LCOR: variants seen among roughly 807,000 people sequenced by gnomAD.
The protein encoded by LCOR is ligand-dependent corepressor.
A neutral mutation model predicts 64.4 loss-of-function variants in LCOR; 14 were observed. The ratio of observed to expected loss-of-function variants is 0.22; its 90% CI spans 0.14 to 0.34. The LOEUF (loss-of-function observed/expected upper bound fraction) is 0.34. Among genes scored for constraint, LCOR ranks in the 10% least tolerant of loss-of-function variants. The pLI is 1.00. For missense variants in LCOR, 1,686 were observed against 1,765.3 expected (o/e 0.96, Z 0.80); for synonymous variants, 643 against 642.5 (o/e 1.00, Z -0.01).
chr10:96,930,016 T>C (rs1325043532), intron 4 of LCOR, among the ~76,000 whole-genome samples: 3 of 152,146 alleles, frequency 2.0e-5, no homozygotes, highest in African/African-American at 7.2e-5. Context: ...ACATAAAAAA[T>C]CACTAATTAG....
rs1473667165 is a variant in LCOR at position 96,955,900 on chromosome 10, C to A, written c.332+3704C>A. On this transcript the variant is annotated intron_variant, in intron 7 of 7. Coordinates refer to ENST00000421806, the MANE Select transcript of LCOR (RefSeq NM_001346516.2). ...CCCCAGGGAGAGGCAGCACAAAGTG[C>A]AAATGAATCAAAAAACGAGTAGGAA... 3.7e-6 allele frequency: 6 copies of A among 1,610,846 alleles called. No homozygotes were observed. The Admixed American group carries it at 6.8e-5, about 18-fold the overall frequency.
At chr10:96,964,917 G>A (rs1273368524) in intron 7 of LCOR, among the ~76,000 whole-genome samples, 1 of 151,910 alleles carries the variant, frequency 6.6e-6, no homozygotes. Flanking sequence ...GTCAGTTAAG[G>A]TTATGATGGT....
At chr10:96,893,715 A>G (rs2134435875) in intron 2 of LCOR, among the ~76,000 whole-genome samples, 1 of 151,396 alleles carries the variant, frequency 6.6e-6, no homozygotes, top group East Asian at 1.9e-4. Context: ...GTAAGCCAAG[A>G]TCGCGCCACT....
intron 4 of LCOR, among the ~76,000 whole-genome samples, chr10:96,937,085 T>C (rs746453090): frequency 3.3e-5 from 5 of 152,240 alleles, no homozygotes; most frequent in Non-Finnish European, 7.3e-5. Flanking sequence ...GATGAAGTCA[T>C]GTTGGATTAG....
In LCOR at chr10:96,940,303, A is replaced by ATT. The variant is rs552752409; in HGVS notation, c.-183-3780_-183-3779dup. 6.2e-3 allele frequency among the ~76,000 whole-genome samples: 405 copies of ATT among 65,444 alleles called. 17 individuals are homozygous for ATT. The highest frequency in any genetic ancestry group is 7.7e-3 in the Admixed American group (37 of 4,790). The allele number at this position is 65,444 out of a possible 152,430, so 42.9% of individuals were successfully genotyped here. On this transcript the variant is annotated intron_variant, in intron 4 of 7. Transcript: ENST00000421806. ...TACAACTATAATAAAGGTGGTCATG[A>ATT]TTTTTTTTTTTTTTTTTTTTTTTTT...
At chr10:96,965,381 G>A (rs974472146) in intron 7 of LCOR, among the ~76,000 whole-genome samples, 19 of 150,790 alleles carry the variant, frequency 1.3e-4, no homozygotes, top group African/African-American at 4.1e-4. Flanking sequence ...AGTTTTTGTC[G>A]GCCGGGCACG....
At chr10:96,911,341 A>G (rs1564623018) in intron 4 of LCOR, among the ~76,000 whole-genome samples, 1 of 151,100 alleles carries the variant, frequency 6.6e-6, no homozygotes, top group South Asian at 2.1e-4. Context: ...CAAGTGATCC[A>G]CTCGCCTCAG....
intron 4 of LCOR, among the ~76,000 whole-genome samples, chr10:96,931,282 A>G (rs1407816969): frequency 1.4e-5 from 2 of 147,816 alleles, no homozygotes; most frequent in East Asian, 2.0e-4. Flanking sequence ...TTCCCAGGCT[A>G]GAGTGCAGTG....
chr10:96,909,433 A>G (rs923847017), intron 4 of LCOR, among the ~76,000 whole-genome samples: 6 of 152,168 alleles, frequency 3.9e-5, no homozygotes, highest in African/African-American at 1.4e-4. Flanking sequence ...TCAGCCTTTC[A>G]CACTGTTGTC....
At chr10:96,926,926 A>G (rs934768130) in intron 4 of LCOR, among the ~76,000 whole-genome samples, 3 of 151,936 alleles carry the variant, frequency 2.0e-5, no homozygotes, top group Non-Finnish European at 4.4e-5. Context: ...TTTGTTTATC[A>G]TTTCACTTTT....
chr10:96,974,063 T>A (rs1848019022), intron 7 of LCOR, among the ~76,000 whole-genome samples: 1 of 152,210 alleles, frequency 6.6e-6, no homozygotes, highest in Non-Finnish European at 1.5e-5. Context: ...GTCTAACCTA[T>A]GATGTAGATA....
At chr10:96,882,775 C>G (rs1174866637) in intron 2 of LCOR, among the ~76,000 whole-genome samples, 1 of 152,190 alleles carries the variant, frequency 6.6e-6, no homozygotes, top group Non-Finnish European at 1.5e-5. Flanking sequence ...GGTCTTTCTA[C>G]TGTCTCCATA....
intron 2 of LCOR, among the ~76,000 whole-genome samples, chr10:96,882,530 CTGT>C: frequency 6.6e-6 from 1 of 152,290 alleles, no homozygotes; most frequent in African/African-American, 2.4e-5. Flanking sequence ...CTCTCCTCCT[CTGT>C]TGATTTCTCC....
Position 96,984,815 on chromosome 10 carries a change from T to G in LCOR, c.4355T>G (p.Leu1452Trp), listed in dbSNP as rs139127990. ...AGCCAACCCCCCAAAAAGACGTCTT[T>G]GAAAGAGAATAAAGTGAAGATCCCT... Reference protein sequence around the residue: ...RSSQPPKKTSLKENKVKIPKK... With the variant: ...RSSQPPKKTSWKENKVKIPKK... The change falls in exon 8 of 8, where the codon TTG (leucine) becomes TGG (tryptophan). Residue 1452 changes from leucine to tryptophan, a missense_variant. Physicochemically the swap from Leu to Trp is moderately conservative, Grantham distance 61 (BLOSUM62 -2). This residue lies in a region of LCOR where 1,293 missense variants were observed against 1,410.4 expected (regional missense o/e 0.92). Coordinates refer to ENST00000421806, the MANE Select transcript of LCOR (RefSeq NM_001346516.2). 1.9e-6 allele frequency: 3 copies of G among 1,613,814 alleles called. No homozygotes were observed. The African/African-American group carries it at 4.0e-5, about 22-fold the overall frequency.
intron 7 of LCOR, chr10:96,957,929 T>C: frequency 1.0e-6 from 1 of 986,492 alleles, no homozygotes; most frequent in Non-Finnish European, 1.2e-6. Context: ...TAGCATTTTA[T>C]GATTCTACAA....
At chr10:96,955,245 T>A in intron 7 of LCOR, 1 of 1,614,150 alleles carries the variant, frequency 6.2e-7, no homozygotes. Flanking sequence ...CCGTATGAAG[T>A]TCAGGGGAAA....
rs1848094959 is a variant in LCOR, at chr10:96,982,194, A to C, written c.1734A>C (p.Gly578=). 1 of 1,614,060 alleles carries C rather than the reference A, an allele frequency of 6.2e-7. No homozygotes were observed. The highest frequency in any genetic ancestry group is 1.3e-5 in the African/African-American group (1 of 74,932). Residue 578 remains glycine (G), a synonymous_variant, in exon 8 of 8, where the codon GGA becomes GGC. Coordinates refer to ENST00000421806, the MANE Select transcript of LCOR (RefSeq NM_001346516.2). ...PSKEITSHEE[G]GGDVSPRKEP... ...AGGAAATCACCTCTCACGAGGAAGG[A>C]GGTGGAGACGTTTCACCTCGAAAAG...
At chr10:96,979,369 C>T (rs1375442116) in intron 7 of LCOR, among the ~76,000 whole-genome samples, 2 of 152,192 alleles carry the variant, frequency 1.3e-5, no homozygotes, top group African/African-American at 4.8e-5. Context: ...TGCATGGGTT[C>T]AGTACAACCC....
intron 7 of LCOR, among the ~76,000 whole-genome samples, chr10:96,972,462 CCTG>C (rs1462624699): frequency 1.3e-5 from 2 of 152,260 alleles, no homozygotes; most frequent in African/African-American, 4.8e-5. Flanking sequence ...GAGGCATTGA[CCTG>C]CTGTGCTTAA....
Sources: gnomAD v4.1 joint callset for allele counts (sites outside exome capture counted in the v4.1 genomes callset) on GRCh38, gnomAD v4.1.1 for gene constraint, gnomAD v4.1.1 regional missense constraint, MANE v1.5 for transcripts, NCBI Gene and HGNC (gene_info 2026-07-23, HGNC 2026-07-21) for gene names.